GLP2R: variants seen among roughly 807,000 people sequenced by gnomAD.
GLP2R encodes the protein glucagon like peptide 2 receptor.
In GLP2R, 59 loss-of-function variants were observed where a neutral mutation model predicts 68.2. The ratio of observed to expected loss-of-function variants is 0.87; its 90% confidence interval spans 0.70 to 1.07. GLP2R has a LOEUF of 1.07. Among genes scored for constraint, GLP2R ranks in the 50% least tolerant of loss-of-function variants. The pLI is 0.00. For synonymous variants in GLP2R, 270 were observed against 265.4 expected, an observed-to-expected ratio of 1.02 and a Z score of -0.17; for missense variants, 548 against 677.4, an observed-to-expected ratio of 0.81 and a Z score of 2.12.
chr17:9,858,835 A>G (rs998429827), intron 6 of GLP2R, among the ~76,000 whole-genome samples: 3 of 152,022 alleles, frequency 2.0e-5, no homozygotes, highest in Admixed American at 6.6e-5. Flanking sequence ...CCTGATATTG[A>G]TTATTTGTAT....
intron 2 of GLP2R, among the ~76,000 whole-genome samples, chr17:9,834,241 G>A (rs1457566005): frequency 1.3e-5 from 2 of 152,098 alleles, no homozygotes; most frequent in African/African-American, 2.4e-5. Context: ...CTCTACTCAG[G>A]CTAACAGTAC....
intron 8 of GLP2R, 134 bp from the exon 9 acceptor site, chr17:9,861,887 A>G: frequency 1.4e-6 from 1 of 702,012 alleles, no homozygotes; most frequent in Non-Finnish European, 2.6e-6. Context: ...TGCCTCTCCC[A>G]CCCCTCAGGG....
At chr17:9,866,288 G>T in intron 9 of GLP2R, 1 of 186,314 alleles carries the variant, frequency 5.4e-6, no homozygotes. Flanking sequence ...TTCAACCAGA[G>T]GAGATTCTGA....
intron 10 of GLP2R, among the ~76,000 whole-genome samples, chr17:9,872,809 A>T (rs1336725361): frequency 6.6e-6 from 1 of 152,152 alleles, no homozygotes; most frequent in East Asian, 1.9e-4. Context: ...CCTGCTTATT[A>T]TGAGGATTCA....
At chr17:9,869,717 A>C (rs912053279) in intron 9 of GLP2R, among the ~76,000 whole-genome samples, 1 of 152,120 alleles carries the variant, frequency 6.6e-6, no homozygotes, top group Non-Finnish European at 1.5e-5. Flanking sequence ...CTTCCCCTGG[A>C]GTGAGAAACC....
intron 3 of GLP2R, among the ~76,000 whole-genome samples, chr17:9,841,017 A>AAT (rs2152033267): frequency 1.4e-5 from 1 of 72,156 alleles, no homozygotes; most frequent in East Asian, 4.3e-4. Context: ...TGGTGTGGCT[A>AAT]ATTTTTTTTT....
chr17:9,855,148 A>T (rs2066924173), intron 5 of GLP2R, among the ~76,000 whole-genome samples: 1 of 152,216 alleles, frequency 6.6e-6, no homozygotes, highest in Non-Finnish European at 1.5e-5. Flanking sequence ...TGGGGGAACT[A>T]TGGTATTGTG....
intron 4 of GLP2R, among the ~76,000 whole-genome samples, chr17:9,851,692 G>C (rs1379119942): frequency 6.7e-6 from 1 of 150,358 alleles, no homozygotes; most frequent in Admixed American, 6.6e-5. Context: ...TGATAACAGA[G>C]AAAGAAAAAA....
chr17:9,846,274 GAGGGATAGAC>G (rs1344131913), intron 4 of GLP2R, among the ~76,000 whole-genome samples: 1 of 152,144 alleles, frequency 6.6e-6, no homozygotes, highest in African/African-American at 2.4e-5. Flanking sequence ...ACTGCTATAT[GAGGGATAGAC>G]CAAGGGGTAG....
intron 4 of GLP2R, among the ~76,000 whole-genome samples, chr17:9,847,072 C>T (rs1814300029): frequency 6.6e-6 from 1 of 152,210 alleles, no homozygotes; most frequent in Non-Finnish European, 1.5e-5. Flanking sequence ...CAATTTCAAG[C>T]TACCAGTGTG....
intron 2 of GLP2R, 21 bp downstream of exon 2, chr17:9,833,915 T>G: frequency 6.8e-7 from 1 of 1,474,884 alleles, no homozygotes; most frequent in Admixed American, 1.7e-5. Flanking sequence ...GTATTAGTTA[T>G]CCGTGGCTGT....
chr17:9,878,693 G>T (rs1304306593), intron 10 of GLP2R, among the ~76,000 whole-genome samples: 1 of 152,102 alleles, frequency 6.6e-6, no homozygotes, highest in Non-Finnish European at 1.5e-5. Flanking sequence ...CCTCTTCTTG[G>T]CTTTAGATCC....
At chr17:9,879,199 CACTTGAGG>C (rs2067167779) in intron 10 of GLP2R, among the ~76,000 whole-genome samples, 1 of 151,122 alleles carries the variant, frequency 6.6e-6, no homozygotes, top group African/African-American at 2.4e-5. Flanking sequence ...AGTAGTATAT[CACTTGAGG>C]CTAGGAGTTT....
intron 3 of GLP2R, among the ~76,000 whole-genome samples, chr17:9,842,001 A>G (rs946187595): frequency 6.6e-6 from 1 of 152,150 alleles, no homozygotes; most frequent in African/African-American, 2.4e-5. Context: ...GGTACCAATT[A>G]TTATCCCCAG....
chr17:9,857,121 C>G (rs899221960), intron 5 of GLP2R, among the ~76,000 whole-genome samples: 2 of 152,140 alleles, frequency 1.3e-5, no homozygotes, highest in Non-Finnish European at 2.9e-5. Flanking sequence ...GGGGTTTCAC[C>G]ATGTTGGCCA....
At chr17:9,867,483 A>G (rs1438667848) in intron 9 of GLP2R, among the ~76,000 whole-genome samples, 2 of 152,216 alleles carry the variant, frequency 1.3e-5, no homozygotes, top group Non-Finnish European at 2.9e-5. Flanking sequence ...CCAGGCAGAA[A>G]TTGTAGAATT....
chr17:9,849,672 G>C (rs886141439), intron 4 of GLP2R, among the ~76,000 whole-genome samples: 11 of 145,068 alleles, frequency 7.6e-5, no homozygotes, highest in African/African-American at 2.6e-4. Flanking sequence ...GAGTGCAGTG[G>C]CGTGATCTCG....
chr17:9,854,116 A>C (rs944191720), intron 4 of GLP2R, among the ~76,000 whole-genome samples: 1 of 152,214 alleles, frequency 6.6e-6, no homozygotes, highest in Non-Finnish European at 1.5e-5. Flanking sequence ...TGTCCTCCAG[A>C]AGGAAGGACC....
At chr17:9,841,805 GGACCAACA>G (rs2066789731) in intron 3 of GLP2R, among the ~76,000 whole-genome samples, 2 of 152,098 alleles carry the variant, frequency 1.3e-5, no homozygotes, top group Non-Finnish European at 2.9e-5. Context: ...GGACTAGGAA[GGACCAACA>G]GATTTCGACT....
Sources: gnomAD v4.1 joint callset for allele counts (sites outside exome capture counted in the v4.1 genomes callset) on GRCh38, gnomAD v4.1.1 for gene constraint, MANE v1.5 for transcripts, NCBI Gene and HGNC (gene_info 2026-07-23, HGNC 2026-07-21) for gene names.